Variants in DIAPH3 observed in about 807,000 individuals in gnomAD.
DIAPH3 encodes the protein protein diaphanous homolog 3.
A neutral mutation model predicts 144.3 loss-of-function variants in DIAPH3; 117 were observed. The ratio of observed to expected loss-of-function variants is 0.81; its 90% CI spans 0.70 to 0.95. DIAPH3 has a LOEUF of 0.95. Ranked by LOEUF, DIAPH3 falls within the 40% of genes least tolerant of loss-of-function variation. DIAPH3 has a pLI of 0.00. For missense variants in DIAPH3, 1,421 were observed against 1,412.7 expected (o/e 1.01, Z -0.09); for synonymous variants, 519 against 488.9 (o/e 1.06, Z -0.81).
In DIAPH3 at chr13:60,039,082, G is replaced by A. The variant is rs562831828; in HGVS notation, c.626+3608C>T. 7.2e-5 allele frequency among the ~76,000 whole-genome samples: 11 copies of A among 151,730 alleles called. No homozygotes were observed. The South Asian group carries it at 2.1e-3, about 29-fold the overall frequency. The stretch of plus-strand genomic sequence containing the variant: ...GATAATCAATAAATAACAAATAGAA[G>A]ATGTTTGTGATCTCTACATCAAATC... On this transcript the variant is annotated intron_variant, in intron 5 of 27. Coordinates refer to ENST00000400324, the MANE Select transcript of DIAPH3 (RefSeq NM_001042517.2).
intron 24 of DIAPH3, among the ~76,000 whole-genome samples, chr13:59,819,881 G>T (rs142557288): frequency 1.6e-4 from 24 of 151,962 alleles, no homozygotes; most frequent in Middle Eastern, 3.4e-3. Flanking sequence ...CTAAATAGCT[G>T]TGTGACTATG....
chr13:60,130,549 G>A lies in DIAPH3; in HGVS notation c.213+2408C>T, dbSNP rs2059112714. ...AGCTCCCTTACCTTGTGCAAAAAAG[G>A]CAAGACTCTGTCTCTGGGAAGCCTG... On this transcript the variant is annotated intron_variant, in intron 2 of 27. Coordinates refer to ENST00000400324, the MANE Select transcript of DIAPH3 (RefSeq NM_001042517.2). Among the ~76,000 whole-genome samples the A allele has an allele frequency of 2.6e-5, 4 of 152,170 alleles. 1 individual carries two copies. Among genetic ancestry groups the A allele is most frequent in the Admixed American group, 2.6e-4 (4 of 15,278 alleles).
chr13:60,036,093 T>C (rs942092915), intron 5 of DIAPH3, among the ~76,000 whole-genome samples: 1 of 152,320 alleles, frequency 6.6e-6, no homozygotes, highest in South Asian at 2.1e-4. Flanking sequence ...CACTCTCTGC[T>C]GAAGGGAAAC....
intron 4 of DIAPH3, chr13:60,044,079 T>C (rs2055889908): frequency 6.6e-6 from 1 of 152,202 alleles, no homozygotes; most frequent in South Asian, 2.1e-4. Context: ...CTTGGACTTT[T>C]ACTCTGAGAT....
Position 60,059,373 on chromosome 13 carries a change from G to A in DIAPH3, c.496-16553C>T, listed in dbSNP as rs1031674349. Among the ~76,000 whole-genome samples the A allele has an allele frequency of 4.0e-5, 6 of 151,790 alleles. No individual in the cohort carries two copies. In the East Asian group the frequency reaches 5.8e-4, roughly 15 times the overall value. On this transcript the variant is annotated intron_variant, in intron 4 of 27. Transcript: ENST00000400324. ...GATTTATGGATTTTACTGTATGAAC[G>A]TAATCTTAAAAGTACTAAACAACTA... is the stretch of plus-strand genomic sequence containing the variant.
At chr13:59,850,747 C>A (rs1329074295) in intron 22 of DIAPH3, among the ~76,000 whole-genome samples, 1 of 151,414 alleles carries the variant, frequency 6.6e-6, no homozygotes, top group African/African-American at 2.4e-5. Context: ...ACTACAAACA[C>A]CTCTACGCAA....
At chr13:59,682,091 T>A (rs1205338496) in intron 27 of DIAPH3, among the ~76,000 whole-genome samples, 2 of 152,204 alleles carry the variant, frequency 1.3e-5, no homozygotes, top group Non-Finnish European at 2.9e-5. Flanking sequence ...GTACTGTCCA[T>A]ACTTATCTTT....
chr13:59,873,695 T>C (rs1359084138), intron 21 of DIAPH3, among the ~76,000 whole-genome samples: 7 of 120,600 alleles, frequency 5.8e-5, no homozygotes, highest in East Asian at 2.2e-4. Context: ...TTTTTTTTTT[T>C]CACTCTTTTT....
At chr13:59,868,688 C>G (rs1259928102) in intron 21 of DIAPH3, among the ~76,000 whole-genome samples, 1 of 152,066 alleles carries the variant, frequency 6.6e-6, no homozygotes, top group Non-Finnish European at 1.5e-5. Context: ...TTTTACCACC[C>G]TAAAAAATTC....
At chr13:60,028,394 A>AT (rs1242533046) in intron 5 of DIAPH3, among the ~76,000 whole-genome samples, 1 of 151,876 alleles carries the variant, frequency 6.6e-6, no homozygotes, top group African/African-American at 2.4e-5. Context: ...GCCCCACCTC[A>AT]TAGCAGCACG....
chr13:60,109,787 A>G (rs1207291610), intron 3 of DIAPH3, among the ~76,000 whole-genome samples: 2 of 152,226 alleles, frequency 1.3e-5, no homozygotes, highest in Admixed American at 1.3e-4. Context: ...AACACTACTT[A>G]CAGGTATCTA....
chr13:59,842,861 C>T (rs1005279356), intron 22 of DIAPH3, among the ~76,000 whole-genome samples: 6 of 152,140 alleles, frequency 3.9e-5, no homozygotes, highest in Non-Finnish European at 7.4e-5. Context: ...TTTCACTGCC[C>T]TTCCAGCACT....
intron 27 of DIAPH3, among the ~76,000 whole-genome samples, chr13:59,768,341 CT>C (rs2037955770): frequency 6.6e-6 from 1 of 151,942 alleles, no homozygotes; most frequent in South Asian, 2.1e-4. Flanking sequence ...TATATTGTTC[CT>C]TATGCTCTTT....
chr13:59,847,473 G>A (rs181839280), intron 22 of DIAPH3, among the ~76,000 whole-genome samples: 16 of 152,218 alleles, frequency 1.1e-4, no homozygotes, highest in Admixed American at 3.9e-4. Context: ...TATTAAAGGC[G>A]GCAGCCTTTT....
intron 1 of DIAPH3, among the ~76,000 whole-genome samples, chr13:60,140,514 G>A (rs1400014635): frequency 6.6e-6 from 1 of 151,574 alleles, no homozygotes; most frequent in Non-Finnish European, 1.5e-5. Flanking sequence ...ACAATACAAT[G>A]GTACATGAAA....
intron 26 of DIAPH3, 137 bp from the exon 27 acceptor site, chr13:59,774,385 G>C: frequency 1.4e-6 from 1 of 733,956 alleles, no homozygotes; most frequent in South Asian, 1.8e-5. Context: ...TGAAATACTT[G>C]AAGCAGTAAT....
At chr13:59,940,150 T>TA (rs1005152034) in intron 17 of DIAPH3, among the ~76,000 whole-genome samples, 14 of 152,156 alleles carry the variant, frequency 9.2e-5, no homozygotes, top group African/African-American at 3.1e-4. Flanking sequence ...AACAGAGCTG[T>TA]ATTGTGAAAT....
chr13:59,784,066 C>T (rs2038895663), intron 25 of DIAPH3, among the ~76,000 whole-genome samples: 1 of 152,122 alleles, frequency 6.6e-6, no homozygotes, highest in African/African-American at 2.4e-5. Flanking sequence ...TAAAGTCAAA[C>T]AACTATATAT....
chr13:59,871,777 A>G (rs1344118087), intron 21 of DIAPH3, among the ~76,000 whole-genome samples: 1 of 152,220 alleles, frequency 6.6e-6, no homozygotes, highest in African/African-American at 2.4e-5. Context: ...TGATTCAAGT[A>G]TTTTAATAGA....
Sources: allele counts gnomAD v4.1 joint callset (sites outside exome capture counted in the v4.1 genomes callset), GRCh38; gene constraint gnomAD v4.1.1; transcripts MANE v1.5; gene names NCBI Gene and HGNC (gene_info 2026-07-23, HGNC 2026-07-21).